The following DOCK2 variants were observed in gnomAD, a reference collection of about 807,000 sequenced individuals.
DOCK2 encodes dedicator of cytokinesis protein 2.
Under a neutral mutation model 248.9 loss-of-function variants are expected in DOCK2, and 87 were observed. That is an observed-to-expected ratio of 0.35 (90% CI 0.29 to 0.42). The LOEUF is 0.42. DOCK2 is among the 10% of genes least tolerant of loss of function. DOCK2 has a pLI of 1.00. For synonymous variants in DOCK2, 805 were observed against 821.6 expected (o/e 0.98, Z 0.35); for missense variants, 1,747 against 2,300.2 (o/e 0.76, Z 4.92).
In DOCK2 at chr5:169,711,973, G is replaced by A. The variant is rs755409493; in HGVS notation, c.1521G>A (p.Leu507=). The change falls in exon 16 of 52, where the codon CTG becomes CTA. Residue 507 remains leucine, a synonymous_variant. Transcript: ENST00000520908. Reference sequence around the variant, plus strand: ...TTGAAGACATGCAGAGGATCCATCTGCGATTCATGTTTCGACATCGGTCAT... The same window carrying A: ...TTGAAGACATGCAGAGGATCCATCTACGATTCATGTTTCGACATCGGTCAT... ...VPIEDMQRIH[L]RFMFRHRSSL... 4 of 1,614,112 alleles carry A rather than the reference G, an allele frequency of 2.5e-6. No homozygotes were observed. Among genetic ancestry groups the A allele is most frequent in the Non-Finnish European group, 3.4e-6 (4 of 1,179,982 alleles).
chr5:169,747,478 C>A lies in DOCK2; in HGVS notation c.2350C>A (p.Gln784Lys), dbSNP rs1166119457. 3 of 1,613,346 alleles carry A rather than the reference C, an allele frequency of 1.9e-6. No homozygotes were observed. The African/African-American group carries it at 4.0e-5, about 22-fold the overall frequency. Residue 784 changes from glutamine to lysine, a missense_variant, in exon 23 of 52, where the codon CAA becomes AAA. Physicochemically the swap from Gln to Lys is moderately conservative, Grantham distance 53 (BLOSUM62 1). Around this residue, in one of 4 missense-constraint regions of DOCK2, gnomAD observed 858 missense variants for 1,183.5 expected, o/e 0.72. Transcript: ENST00000520908. Reference sequence around the variant, plus strand: ...ATCCATCAACAATCTGATGAAAAGTCAATACAAAACTACCATCCTTTTGCA... The same window carrying A: ...ATCCATCAACAATCTGATGAAAAGTAAATACAAAACTACCATCCTTTTGCA... Reference protein sequence around the residue: ...FESINNLMKSQYKTTILLQVA... With the variant: ...FESINNLMKSKYKTTILLQVA...
chr5:169,656,072 A>G (rs1309767289), intron 2 of DOCK2, among the ~76,000 whole-genome samples: 2 of 152,170 alleles, frequency 1.3e-5, no homozygotes, highest in Admixed American at 1.3e-4. Flanking sequence ...CTGTGATTCC[A>G]CGCACGCTGC....
intron 8 of DOCK2, among the ~76,000 whole-genome samples, chr5:169,685,193 C>G (rs1284507488): frequency 6.6e-6 from 1 of 152,198 alleles, no homozygotes; most frequent in Non-Finnish European, 1.5e-5. Flanking sequence ...TTGTGATGCA[C>G]AAGGCCTGGC....
chr5:169,872,212 C>T (rs1040112964), intron 27 of DOCK2, among the ~76,000 whole-genome samples: 9 of 152,228 alleles, frequency 5.9e-5, no homozygotes, highest in African/African-American at 2.2e-4. Context: ...CACTGATTTA[C>T]TGACCTCCTG....
intron 27 of DOCK2, among the ~76,000 whole-genome samples, chr5:169,929,286 T>C (rs1266600701): frequency 6.6e-6 from 1 of 152,192 alleles, no homozygotes; most frequent in Non-Finnish European, 1.5e-5. Flanking sequence ...CATTTCTCTT[T>C]CCTTTCCCCA....
chr5:169,859,908 G>A (rs1771092139), intron 27 of DOCK2, among the ~76,000 whole-genome samples: 1 of 151,176 alleles, frequency 6.6e-6, no homozygotes, highest in South Asian at 2.1e-4. Context: ...TTTGAATCAT[G>A]GGCGACTTTA....
intron 27 of DOCK2, among the ~76,000 whole-genome samples, chr5:169,918,127 C>G (rs1561821919): frequency 6.6e-6 from 1 of 152,194 alleles, no homozygotes; most frequent in Non-Finnish European, 1.5e-5. Flanking sequence ...TTAAAAATAT[C>G]CTGTTCAATT....
intron 25 of DOCK2, among the ~76,000 whole-genome samples, chr5:169,768,238 C>G (rs1354960015): frequency 6.6e-6 from 1 of 152,194 alleles, no homozygotes; most frequent in Non-Finnish European, 1.5e-5. Context: ...TGTGCTAACA[C>G]CAGAGAATCT....
chr5:170,002,365 T>C (rs192488992), intron 30 of DOCK2, among the ~76,000 whole-genome samples: 444 of 152,250 alleles, frequency 2.9e-3, no homozygotes, highest in African/African-American at 9.6e-3. Flanking sequence ...TATGCTAATA[T>C]AGAAACATTT....
chr5:169,946,332 C>A (rs1468578497), intron 27 of DOCK2, among the ~76,000 whole-genome samples: 1 of 152,196 alleles, frequency 6.6e-6, no homozygotes, highest in South Asian at 2.1e-4. Flanking sequence ...TGTGTTTGCT[C>A]TCTAACTGGG....
At chr5:170,072,135 A>G (rs895539336) in intron 46 of DOCK2, among the ~76,000 whole-genome samples, 1 of 152,182 alleles carries the variant, frequency 6.6e-6, no homozygotes, top group African/African-American at 2.4e-5. Flanking sequence ...TTTGTTGGGT[A>G]TATACCTATG....
intron 27 of DOCK2, among the ~76,000 whole-genome samples, chr5:169,957,538 C>T (rs1776919287): frequency 6.6e-6 from 1 of 152,178 alleles, no homozygotes; most frequent in Non-Finnish European, 1.5e-5. Context: ...CAGGTGACTG[C>T]TCCAGGTCAC....
chr5:169,951,573 C>T (rs1776667224), intron 27 of DOCK2, among the ~76,000 whole-genome samples: 4 of 152,226 alleles, frequency 2.6e-5, no homozygotes, highest in Admixed American at 2.6e-4. Context: ...CTGATCAGAC[C>T]AGTGCACCCA....
At chr5:169,791,837 G>C (rs261612) in intron 25 of DOCK2, among the ~76,000 whole-genome samples, 24,615 of 152,106 alleles carry the variant, frequency 0.16, 2,135 homozygotes, top group Middle Eastern at 0.21. Flanking sequence ...TCTAGCAGGA[G>C]TTCAATGTAC....
rs1755981709 is a variant in DOCK2, at chr5:170,028,001, G to A, written c.3467+53G>A. 3.9e-6 allele frequency: 6 copies of A among 1,533,910 alleles called. No individual in the cohort carries two copies. In the East Asian group the frequency reaches 1.4e-4, roughly 36 times the overall value. On this transcript the variant is annotated intron_variant, in intron 34 of 51. Transcript: ENST00000520908. ...CAGCCTGTGAAGGTCAGGTGAGGCGGGAGGGCTCAGAACTCCAGGGGGCTC... is the reference window on the plus strand; with the variant it reads ...CAGCCTGTGAAGGTCAGGTGAGGCGAGAGGGCTCAGAACTCCAGGGGGCTC...
intron 26 of DOCK2, among the ~76,000 whole-genome samples, chr5:169,836,752 A>G (rs1769605070): frequency 6.6e-6 from 1 of 152,216 alleles, no homozygotes; most frequent in African/African-American, 2.4e-5. Flanking sequence ...AGGTGTTTTT[A>G]CAAGAACTAG....
intron 27 of DOCK2, among the ~76,000 whole-genome samples, chr5:169,982,097 A>G (rs1215633030): frequency 1.3e-5 from 2 of 150,786 alleles, no homozygotes; most frequent in Non-Finnish European, 2.9e-5. Context: ...TTCAAACATA[A>G]TACTTCCAGC....
chr5:169,848,287 A>G (rs1231575105), intron 27 of DOCK2, among the ~76,000 whole-genome samples: 1 of 152,220 alleles, frequency 6.6e-6, no homozygotes, highest in Non-Finnish European at 1.5e-5. Flanking sequence ...GCAGCAGAGG[A>G]TGAAAGCATC....
At chr5:169,867,533 CTATCATG>C (rs1561778482) in intron 27 of DOCK2, among the ~76,000 whole-genome samples, 1 of 151,780 alleles carries the variant, frequency 6.6e-6, no homozygotes, top group Non-Finnish European at 1.5e-5. Context: ...CATCTATCAT[CTATCATG>C]TATCTATCAT....
Sources: allele counts gnomAD v4.1 joint callset (sites outside exome capture counted in the v4.1 genomes callset), GRCh38; gene constraint gnomAD v4.1.1; regional missense constraint gnomAD v4.1.1; transcripts MANE v1.5; gene names NCBI Gene and HGNC (gene_info 2026-07-23, HGNC 2026-07-21).